FAM13A: variants seen among roughly 807,000 people sequenced by gnomAD.
FAM13A encodes family with sequence similarity 13 member A.
In FAM13A, 76 loss-of-function variants were observed where a neutral mutation model predicts 129.6. The ratio of observed to expected loss-of-function variants is 0.59; its 90% confidence interval spans 0.49 to 0.71. The LOEUF is 0.71. Among genes scored for constraint, FAM13A ranks in the 30% least tolerant of loss-of-function variants. The probability of loss-of-function intolerance (pLI) is 0.00; values close to 1 mark genes in which losing one functional copy is unlikely to be tolerated. For synonymous variants in FAM13A, 443 were observed against 449.9 expected (o/e 0.98, Z 0.20); for missense variants, 1,108 against 1,249.3 (o/e 0.89, Z 1.70).
At chr4:89,030,528 T>G (rs550807079) in intron 1 of FAM13A, among the ~76,000 whole-genome samples, 1 of 152,254 alleles carries the variant, frequency 6.6e-6, no homozygotes, top group African/African-American at 2.4e-5. Context: ...GGAGGAAACT[T>G]CCACTTTCTG....
rs199556633 is a variant in FAM13A at position 88,851,155 on chromosome 4, A to G, written c.872T>C (p.Ile291Thr). The G allele has an allele frequency of 1.7e-5, 27 of 1,611,358 alleles. No individual in the cohort carries two copies. The Admixed American group carries it at 4.2e-4, about 25-fold the overall frequency. The stretch of plus-strand genomic sequence containing the variant: ...TGGTTGCAGTACTCTGTGGGCCTGA[A>G]TAGATCCCTCACTCCTGGATTTTGG... Reference protein sequence around the residue: ...KIPKSRSEGSIQAHRVLQPEL... With the variant: ...KIPKSRSEGSTQAHRVLQPEL... The change falls in exon 7 of 24, where the codon ATT (isoleucine) becomes ACT (threonine). Residue 291 changes from isoleucine (I) to threonine (T), a missense_variant. Transcript: ENST00000264344.
chr4:88,766,095 T>G (rs1026374557), intron 13 of FAM13A, among the ~76,000 whole-genome samples: 5 of 152,230 alleles, frequency 3.3e-5, no homozygotes, highest in African/African-American at 1.2e-4. Context: ...AAAGTTACTT[T>G]TATTCCCTTT....
At chr4:88,881,012 G>GC (rs964151115) in intron 6 of FAM13A, among the ~76,000 whole-genome samples, 9 of 152,076 alleles carry the variant, frequency 5.9e-5, no homozygotes, top group African/African-American at 2.2e-4. Flanking sequence ...GCCTAACCCT[G>GC]CCCCCACCTG....
chr4:88,870,140 C>T (rs1418209742), intron 6 of FAM13A, among the ~76,000 whole-genome samples: 2 of 149,262 alleles, frequency 1.3e-5, no homozygotes, highest in African/African-American at 2.5e-5. Context: ...AAAAAATGAA[C>T]AGCAATGGGC....
At chr4:89,009,770 C>T (rs1173684099) in intron 3 of FAM13A, among the ~76,000 whole-genome samples, 1 of 152,182 alleles carries the variant, frequency 6.6e-6, no homozygotes, top group Non-Finnish European at 1.5e-5. Context: ...AAAGGGTTGA[C>T]AAACCAGTCC....
intron 5 of FAM13A, among the ~76,000 whole-genome samples, chr4:88,908,427 G>A (rs1748513937): frequency 6.6e-6 from 1 of 152,102 alleles, no homozygotes; most frequent in Admixed American, 6.6e-5. Context: ...GACTGTTAAG[G>A]GAAATTAGTA....
chr4:88,851,303 C>T (rs1337513404), intron 6 of FAM13A, 120 bp from the exon 7 acceptor site: 1 of 790,724 alleles, frequency 1.3e-6, no homozygotes, highest in African/African-American at 1.8e-5. Context: ...TATAACACCC[C>T]AGAAAAATAT....
chr4:88,747,430 T>C (rs1279320776), intron 18 of FAM13A, among the ~76,000 whole-genome samples: 2 of 152,256 alleles, frequency 1.3e-5, no homozygotes, highest in African/African-American at 4.8e-5. Context: ...AATAGAGTTT[T>C]GTTTTCAATC....
intron 3 of FAM13A, among the ~76,000 whole-genome samples, chr4:89,011,845 G>A (rs1765779902): frequency 6.6e-6 from 1 of 152,100 alleles, no homozygotes; most frequent in Non-Finnish European, 1.5e-5. Context: ...AGTTACCACT[G>A]ACTGGATGTT....
chr4:88,790,661 G>C (rs780735628), intron 8 of FAM13A, 34 bp from the exon 9 acceptor site: 2 of 1,596,364 alleles, frequency 1.3e-6, no homozygotes, highest in Admixed American at 1.7e-5. Context: ...AGTCAGGTTA[G>C]ATGAAAGATC....
intron 1 of FAM13A, among the ~76,000 whole-genome samples, chr4:89,036,610 A>C (rs1055432399): frequency 6.6e-6 from 1 of 152,228 alleles, no homozygotes; most frequent in Non-Finnish European, 1.5e-5. Context: ...ATTCAGAGGA[A>C]CTGAATGTTA....
intron 4 of FAM13A, among the ~76,000 whole-genome samples, chr4:88,985,578 A>G (rs1762129251): frequency 6.6e-6 from 1 of 152,152 alleles, no homozygotes; most frequent in Non-Finnish European, 1.5e-5. Flanking sequence ...TGAAAAATGG[A>G]CACTCTTGCA....
rs544975687 is a variant in FAM13A, at chr4:88,787,795, C to A, written c.1229G>T (p.Arg410Leu). ...SSATSARQRRRQSKEQDEVRH... is the reference protein window; with the variant it reads ...SSATSARQRRLQSKEQDEVRH... ...AACTTCATCCTGCTCCTTGGACTGG[C>A]GGCGGCGCTGTCTGGCAGATGTGGC... Residue 410 changes from arginine to leucine, a missense_variant, in exon 10 of 24, where the codon CGC (arginine) becomes CTC (leucine). Around this residue, in one of 3 missense-constraint regions of FAM13A, gnomAD observed 566 missense variants for 595.7 expected, o/e 0.95. Transcript: ENST00000264344. 4 of 1,613,542 alleles carry A rather than the reference C, an allele frequency of 2.5e-6. No individual in the cohort carries two copies. Among genetic ancestry groups the A allele is most frequent in the East Asian group, 2.2e-5 (1 of 44,862 alleles).
At chr4:88,955,609 G>C (rs755821295) in intron 4 of FAM13A, among the ~76,000 whole-genome samples, 8 of 152,142 alleles carry the variant, frequency 5.3e-5, no homozygotes, top group African/African-American at 9.7e-5. Flanking sequence ...AGGAAAATTT[G>C]GAACTTCCTA....
At chr4:88,893,646 A>G (rs28697003) in intron 6 of FAM13A, among the ~76,000 whole-genome samples, 110 of 79,194 alleles carry the variant, frequency 1.4e-3, no homozygotes, top group Middle Eastern at 0.014. Context: ...ATGAATGAAT[A>G]AATAAATAAA....
intron 8 of FAM13A, among the ~76,000 whole-genome samples, chr4:88,793,281 A>G (rs1443098559): frequency 1.4e-4 from 22 of 152,032 alleles, no homozygotes; most frequent in Admixed American, 1.3e-3. Context: ...AAATTTCTCC[A>G]ACAGCTTAGA....
chr4:88,912,545 A>G (rs951304471), intron 5 of FAM13A, among the ~76,000 whole-genome samples: 1 of 142,698 alleles, frequency 7.0e-6, no homozygotes, highest in Non-Finnish European at 1.5e-5. Flanking sequence ...ATAATAAATC[A>G]CCTCTCTCTT....
chr4:88,887,488 T>G (rs1340162597), intron 6 of FAM13A, among the ~76,000 whole-genome samples: 3 of 151,780 alleles, frequency 2.0e-5, no homozygotes, highest in Non-Finnish European at 2.9e-5. Context: ...AAAAAATAAC[T>G]CTCTGGTAAT....
intron 7 of FAM13A, among the ~76,000 whole-genome samples, chr4:88,839,128 G>T (rs1032294029): frequency 3.9e-5 from 6 of 151,968 alleles, no homozygotes; most frequent in Admixed American, 2.6e-4. Context: ...ATGTTATACT[G>T]TGAAACCTCT....
Sources: allele counts gnomAD v4.1 joint callset (sites outside exome capture counted in the v4.1 genomes callset), GRCh38; gene constraint gnomAD v4.1.1; regional missense constraint gnomAD v4.1.1; transcripts MANE v1.5; gene names NCBI Gene and HGNC (gene_info 2026-07-23, HGNC 2026-07-21).